PHKG1: variants seen among roughly 807,000 people sequenced by gnomAD.
PHKG1 encodes the protein phosphorylase kinase catalytic subunit gamma 1, also known as phosphorylase b kinase gamma catalytic chain, skeletal muscle/heart isoform.
Under a neutral mutation model 50.5 loss-of-function variants are expected in PHKG1, and 48 were observed. The ratio of observed to expected loss-of-function variants is 0.95; its 90% confidence interval spans 0.75 to 1.21. The LOEUF is 1.21. PHKG1 is among the 50% of genes most tolerant of loss of function. The pLI is 0.00. For missense variants in PHKG1, 487 were observed against 519.5 expected, an observed-to-expected ratio of 0.94 and a Z score of 0.61; for synonymous variants, 204 against 212.8, an observed-to-expected ratio of 0.96 and a Z score of 0.36.
At position 56,081,197 on chromosome 7, in the gene PHKG1, G is replaced by A. The variant is rs377647499; in HGVS notation, c.1021C>T (p.Arg341Trp). ...EIVIRDPYAL[R>W]PLRRLIDAYA... ...GCGTCGATGAGCCGGCGCAGAGGCC[G>A]GAGGGCATAGGGGTCTCGGATGACG... The change falls in exon 10 of 10, where the codon CGG (arginine) becomes TGG (tryptophan). Residue 341 changes from arginine to tryptophan, a missense_variant. Coordinates refer to ENST00000297373, the MANE Select transcript of PHKG1 (RefSeq NM_006213.5). The surrounding 1 kb of genome is among the most constrained non-coding windows in gnomAD (Gnocchi z 4.6). 8 of 1,613,832 alleles carry A rather than the reference G, an allele frequency of 5.0e-6. No homozygotes were observed. The highest frequency in any genetic ancestry group is 1.6e-4 in the Middle Eastern group (1 of 6,062).
In PHKG1 at chr7:56,087,643, T is replaced by C. The variant is rs201068835; in HGVS notation, c.217A>G (p.Lys73Glu). The C allele has an allele frequency of 1.7e-5, 27 of 1,613,854 alleles. No homozygotes were observed. The Middle Eastern group carries it at 3.3e-3, about 196-fold the overall frequency. Reference sequence around the variant, plus strand: ...ACCTTGCGCAGGATGTCCACCTCCTTCAGCGTGGCTTCTCGCAGCTCCCGC... The same window carrying C: ...ACCTTGCGCAGGATGTCCACCTCCTCCAGCGTGGCTTCTCGCAGCTCCCGC... ...EVRELREATL[K>E]EVDILRKVSG... The change falls in exon 3 of 10, where the codon AAG becomes GAG. Residue 73 changes from lysine (K) to glutamate (E), a missense_variant. Transcript: ENST00000297373.
chr7:56,086,246 T>A (rs1213929057), intron 4 of PHKG1, among the ~76,000 whole-genome samples: 1 of 152,042 alleles, frequency 6.6e-6, no homozygotes, highest in Non-Finnish European at 1.5e-5. Context: ...AGACCCCCAG[T>A]GGATGCCTGA....
chr7:56,086,961 G>T lies in PHKG1; in HGVS notation c.317+9C>A, dbSNP rs965674660. On this transcript the variant is annotated intron_variant, in intron 4 of 9. Transcript: ENST00000297373. ...TCAGGTGTGGCTTGCTCCAGTGCTG[G>T]GTACTTACAGGTCAAACACCAAGAA... 4.3e-6 allele frequency: 7 copies of T among 1,609,592 alleles called. No homozygotes were observed. Among genetic ancestry groups the T allele is most frequent in the Non-Finnish European group, 6.0e-6 (7 of 1,176,114 alleles).
At chr7:56,089,409 A>C (rs984224256) in intron 1 of PHKG1, among the ~76,000 whole-genome samples, 1 of 148,562 alleles carries the variant, frequency 6.7e-6, no homozygotes, top group Non-Finnish European at 1.5e-5. Flanking sequence ...CAAAAAAAAA[A>C]AAATCTTTGT....
chr7:56,083,501 A>G (rs1796117396), intron 5 of PHKG1, 60 bp from the exon 6 acceptor site: 2 of 1,587,280 alleles, frequency 1.3e-6, no homozygotes, highest in African/African-American at 1.3e-5. Context: ...ACAGGCAGGG[A>G]GACACAGCTC....
rs1254446579 is a variant in PHKG1 at position 56,080,983 on chromosome 7, C to T, written c.*71G>A. ...TCTGCAGAGGCCTGCACGCATCTCACCCCTTTGACTTGTATTTCCATGGCT... is the reference window on the plus strand; with the variant it reads ...TCTGCAGAGGCCTGCACGCATCTCATCCCTTTGACTTGTATTTCCATGGCT... On this transcript the variant is annotated 3_prime_UTR_variant, in exon 10 of 10. Coordinates refer to ENST00000297373, the MANE Select transcript of PHKG1 (RefSeq NM_006213.5). The T allele has an allele frequency of 1.1e-5, 17 of 1,569,860 alleles. No homozygotes were observed. In the East Asian group the frequency reaches 3.6e-4, roughly 33 times the overall value.
intron 4 of PHKG1, among the ~76,000 whole-genome samples, chr7:56,086,710 C>T (rs1796266370): frequency 6.6e-6 from 1 of 152,106 alleles, no homozygotes; most frequent in South Asian, 2.1e-4. Context: ...CACACTATGC[C>T]AGTCACTGTG....
At chr7:56,085,321 C>G (rs1380949116) in intron 4 of PHKG1, among the ~76,000 whole-genome samples, 4 of 152,146 alleles carry the variant, frequency 2.6e-5, no homozygotes, top group Non-Finnish European at 5.9e-5. Context: ...TGGTCTCAAA[C>G]TCCTGGCCTC....
At chr7:56,091,071 G>A (rs918443558) in intron 1 of PHKG1, among the ~76,000 whole-genome samples, 1 of 148,484 alleles carries the variant, frequency 6.7e-6, no homozygotes, top group Non-Finnish European at 1.5e-5. Flanking sequence ...AATTAGCCAG[G>A]CATGATGGCT....
At chr7:56,084,412 C>T in intron 4 of PHKG1, among the ~76,000 whole-genome samples, 1 of 139,980 alleles carries the variant, frequency 7.1e-6, no homozygotes, top group Admixed American at 7.6e-5. Context: ...TTTTGCTCAT[C>T]ACCCAGGCTG....
At chr7:56,084,245 C>T in intron 4 of PHKG1, 1 of 1,509,922 alleles carries the variant, frequency 6.6e-7, no homozygotes, top group African/African-American at 1.4e-5. Context: ...GTCTTCCCAT[C>T]TGTGGAAGTG....
In PHKG1 at chr7:56,082,210, C is replaced by T. The variant is rs751972729; in HGVS notation, c.591G>A (p.Glu197=). 6.2e-7 allele frequency: 1 copy of T among 1,613,874 alleles called. No homozygotes were observed. The highest frequency in any genetic ancestry group is 1.1e-5 in the South Asian group (1 of 91,080). The change falls in exon 7 of 10, where the codon GAG becomes GAA. Residue 197 remains glutamate, a synonymous_variant. Coordinates refer to ENST00000297373, the MANE Select transcript of PHKG1 (RefSeq NM_006213.5). The part of the protein sequence containing the change: ...TPSYLAPEII[E]CSMNEDHPGY... ...CCGGGTGGTCCTCATTCATGGAGCA[C>T]TCGATAATCTCAGGGGCCAGGTAAC...
chr7:56,081,933 G>C lies in PHKG1; in HGVS notation c.752C>G (p.Ser251Trp), dbSNP rs759747023. 3 of 1,613,786 alleles carry C rather than the reference G, an allele frequency of 1.9e-6. No individual in the cohort carries two copies. Among genetic ancestry groups the C allele is most frequent in the East Asian group, 2.2e-5 (1 of 44,860 alleles). ...MIMSGNYQFG[S>W]PEWDDYSDTV... Reference sequence around the variant, plus strand: ...GTCCGAGTAATCATCCCACTCGGGCGAGCCAAACTGGTAGTTGCCGCTCAT... The same window carrying C: ...GTCCGAGTAATCATCCCACTCGGGCCAGCCAAACTGGTAGTTGCCGCTCAT... Residue 251 changes from serine (S) to tryptophan (W), a missense_variant, in exon 8 of 10, where the codon TCG (serine) becomes TGG (tryptophan). Ser to Trp is a radical substitution (Grantham distance 177). Transcript: ENST00000297373. This position sits in a 1 kb window ranked among gnomAD's most constrained non-coding sequence, Gnocchi z 4.6.
In PHKG1 at chr7:56,081,518, G is replaced by A. The variant is rs1230808754; in HGVS notation, c.918+112C>T. The A allele has an allele frequency of 4.5e-6, 6 of 1,336,082 alleles. No individual in the cohort carries two copies. 82.8% of individuals were successfully genotyped at this position (1,336,082 alleles called of 1,614,324 possible). A position where few individuals can be genotyped will look rare whatever the true frequency, so the allele number is the denominator to read the frequency against. On this transcript the variant is annotated intron_variant, in intron 9 of 9. Coordinates refer to ENST00000297373, the MANE Select transcript of PHKG1 (RefSeq NM_006213.5). The surrounding 1 kb of genome is among the most constrained non-coding windows in gnomAD (Gnocchi z 4.6). The stretch of plus-strand genomic sequence containing the variant: ...GAAGCCATCACAGGGCAGCTGGGAG[G>A]GGAGGGATGGGTACTCTGGAAATTC...
At chr7:56,083,120 A>G (rs1305679990) in intron 6 of PHKG1, 158 bp downstream of exon 6, 2 of 642,442 alleles carry the variant, frequency 3.1e-6, no homozygotes, top group Non-Finnish European at 5.2e-6. Context: ...AAAAAAAAAA[A>G]GAAAGAAAAA....
At position 56,081,758 on chromosome 7, in the gene PHKG1, GT is replaced by G; in HGVS notation, c.793-4del. On this transcript the variant is annotated splice_region_variant and splice_polypyrimidine_tract_variant and intron_variant, in intron 8 of 9. Transcript: ENST00000297373. The surrounding 1 kb of genome is among the most constrained non-coding windows in gnomAD (Gnocchi z 4.6). ...TGCACCACCAGGAATCGGGAGACCTGTGAGAGGAGGAGAGGGGAACCGAGAA... is the reference window on the plus strand; with the variant it reads ...TGCACCACCAGGAATCGGGAGACCTGGAGAGGAGGAGAGGGGAACCGAGAA... The G allele has an allele frequency of 6.2e-7, 1 of 1,613,024 alleles. No homozygotes were observed. The highest frequency in any genetic ancestry group is 8.5e-7 in the Non-Finnish European group (1 of 1,179,358).
intron 4 of PHKG1, among the ~76,000 whole-genome samples, chr7:56,085,730 C>T (rs1217805855): frequency 1.3e-5 from 2 of 151,688 alleles, no homozygotes; most frequent in Admixed American, 6.6e-5. Flanking sequence ...TTTGGGAGGC[C>T]GAGGCGAGTG....
At chr7:56,087,296 A>G (rs556703797) in intron 3 of PHKG1, among the ~76,000 whole-genome samples, 109 of 151,672 alleles carry the variant, frequency 7.2e-4, no homozygotes, top group African/African-American at 2.5e-3. Context: ...ATCATAACTC[A>G]CTGCAGCCTC....
chr7:56,091,832 TGCCAG>T (rs898168124), intron 1 of PHKG1, among the ~76,000 whole-genome samples: 2 of 152,234 alleles, frequency 1.3e-5, no homozygotes, highest in Non-Finnish European at 2.9e-5. Context: ...CCTCTGCTGG[TGCCAG>T]GCCCCTGGGC....
Sources: gnomAD v4.1 joint callset for allele counts (sites outside exome capture counted in the v4.1 genomes callset) on GRCh38, gnomAD v4.1.1 for gene constraint, Gnocchi (gnomAD v3.1) non-coding constraint, MANE v1.5 for transcripts, NCBI Gene and HGNC (gene_info 2026-07-23, HGNC 2026-07-21) for gene names.